The following PCDHGB2 variants were observed in gnomAD, a reference collection of about 807,000 sequenced individuals.
The protein encoded by PCDHGB2 is protocadherin gamma subfamily B, 2.
PCDHGB2 carries 55 observed loss-of-function variants against 59.3 expected under a neutral mutation model. The ratio of observed to expected loss-of-function variants is 0.93; its 90% CI spans 0.75 to 1.16. The LOEUF (loss-of-function observed/expected upper bound fraction) is 1.16. Ranked by LOEUF, PCDHGB2 falls within the 50% of genes most tolerant of loss-of-function variation. The pLI is 0.00. For synonymous variants in PCDHGB2, 516 were observed against 512.0 expected (o/e 1.01, Z -0.11); for missense variants, 1,228 against 1,198.5 (o/e 1.02, Z -0.36).
intron 1 of PCDHGB2, chr5:141,427,973 C>G (rs754410723): frequency 3.1e-6 from 5 of 1,593,936 alleles, no homozygotes; most frequent in Non-Finnish European, 3.4e-6. Flanking sequence ...TGCTGTACCC[C>G]GCGCTGGGGC....
At chr5:141,418,310 G>A in intron 1 of PCDHGB2, 1 of 1,613,990 alleles carries the variant, frequency 6.2e-7, no homozygotes, top group Non-Finnish European at 8.5e-7. Context: ...CCTGGGGATG[G>A]GAACAATTCT....
Position 141,394,457 on chromosome 5 carries a change from G to A in PCDHGB2, c.2421+31901G>A, listed in dbSNP as rs375756271. 4 of 1,614,096 alleles carry A rather than the reference G, an allele frequency of 2.5e-6. No homozygotes were observed. The African/African-American group carries it at 4.0e-5, about 16-fold the overall frequency. On this transcript the variant is annotated intron_variant, in intron 1 of 3. Transcript: ENST00000522605. Reference sequence around the variant, plus strand: ...CGCCCCTCAGCAGCAACATGTCACTGAGCCTGTTCGTGCTGGACCAGAATG... The same window carrying A: ...CGCCCCTCAGCAGCAACATGTCACTAAGCCTGTTCGTGCTGGACCAGAATG...
Position 141,486,682 on chromosome 5 carries a change from A to C in PCDHGB2, c.2422-8125A>C, listed in dbSNP as rs781547951. 1.4e-5 allele frequency: 22 copies of C among 1,614,064 alleles called. No individual in the cohort carries two copies. The African/African-American group carries it at 2.3e-4, about 17-fold the overall frequency. ...TGGAGCCCAGGAATCGAGATGTATC[A>C]GCTTCCTCTTTCATCTCTCTGAACC... On this transcript the variant is annotated intron_variant, in intron 1 of 3. Coordinates refer to ENST00000522605, the MANE Select transcript of PCDHGB2 (RefSeq NM_018923.3). The surrounding 1 kb of genome is among the most constrained non-coding windows in gnomAD (Gnocchi z 5.0).
At chr5:141,364,587 C>T in intron 1 of PCDHGB2, 3 of 1,614,204 alleles carry the variant, frequency 1.9e-6, no homozygotes, top group Non-Finnish European at 2.5e-6. Flanking sequence ...AGCTTGGTCA[C>T]CGCGGGCAGG....
intron 1 of PCDHGB2, chr5:141,388,986 A>G (rs756279125): frequency 2.5e-6 from 4 of 1,613,952 alleles, no homozygotes; most frequent in Non-Finnish European, 3.4e-6. Flanking sequence ...TGCTTTGCTC[A>G]AAGTCCGTGA....
In PCDHGB2 at chr5:141,477,155, G is replaced by A. The variant is rs2099406190; in HGVS notation, c.2422-17652G>A. ...GTTGGTGGAGGTTGTGGATGTGAATGACAACGCCCCGGAGATCACAGTCAC... is the reference window on the plus strand; with the variant it reads ...GTTGGTGGAGGTTGTGGATGTGAATAACAACGCCCCGGAGATCACAGTCAC... On this transcript the variant is annotated intron_variant, in intron 1 of 3. Coordinates refer to ENST00000522605, the MANE Select transcript of PCDHGB2 (RefSeq NM_018923.3). The surrounding 1 kb of genome is among the most constrained non-coding windows in gnomAD (Gnocchi z 4.9). The A allele has an allele frequency of 6.2e-7, 1 of 1,614,190 alleles. No individual in the cohort carries two copies. The highest frequency in any genetic ancestry group is 8.5e-7 in the Non-Finnish European group (1 of 1,180,042).
chr5:141,384,060 A>T (rs1453253478), intron 1 of PCDHGB2: 1 of 1,609,266 alleles, frequency 6.2e-7, no homozygotes, highest in South Asian at 1.1e-5. Context: ...GCACCATTCC[A>T]GAAAACCTAC....
chr5:141,389,177 C>T, intron 1 of PCDHGB2: 1 of 1,614,052 alleles, frequency 6.2e-7, no homozygotes. Context: ...CTCCCCTCTC[C>T]TCCAGTTCCA....
chr5:141,467,993 C>A (rs984508296), intron 1 of PCDHGB2, among the ~76,000 whole-genome samples: 1 of 152,058 alleles, frequency 6.6e-6, no homozygotes, highest in Admixed American at 6.6e-5. Context: ...AACCACAATT[C>A]TTTCTTCCTC....
At chr5:141,419,152 G>A (rs2096335735) in intron 1 of PCDHGB2, 25 of 1,613,916 alleles carry the variant, frequency 1.5e-5, no homozygotes, top group East Asian at 4.5e-5. Context: ...GCAAGCCTCC[G>A]TTATCCTCCA....
At chr5:141,480,702 C>T (rs1455955207) in intron 1 of PCDHGB2, among the ~76,000 whole-genome samples, 1 of 152,170 alleles carries the variant, frequency 6.6e-6, no homozygotes, top group African/African-American at 2.4e-5. Context: ...AGGCCACACC[C>T]CGACAAATGA....
intron 1 of PCDHGB2, chr5:141,366,686 G>A (rs200958152): frequency 5.3e-5 from 86 of 1,614,138 alleles, no homozygotes; most frequent in Non-Finnish European, 6.8e-6. Flanking sequence ...AGAGAGCTGT[G>A]AGAAAAGCGA....
At chr5:141,423,150 G>T in intron 1 of PCDHGB2, 1 of 1,613,538 alleles carries the variant, frequency 6.2e-7, no homozygotes, top group Non-Finnish European at 8.5e-7. Flanking sequence ...CGCTCAAGCA[G>T]AGCCTCGTGG....
At position 141,437,741 on chromosome 5, in the gene PCDHGB2, C is replaced by CTT. The variant is rs35124340; in HGVS notation, c.2422-57052_2422-57051dup. 4.3e-3 allele frequency among the ~76,000 whole-genome samples: 606 copies of CTT among 141,726 alleles called. 5 individuals are homozygous for CTT. The highest frequency in any genetic ancestry group is 0.012 in the Admixed American group (164 of 14,230). 93.0% of individuals were successfully genotyped at this position (141,726 alleles called of 152,430 possible). A position where few individuals can be genotyped will look rare whatever the true frequency, so the allele number is the denominator to read the frequency against. On this transcript the variant is annotated intron_variant, in intron 1 of 3. Transcript: ENST00000522605. ...CTCTAATGTTACACTTTGAGTTCAC[C>CTT]TTTTTTTTTTTTTTTGAGACAGAGT...
intron 1 of PCDHGB2, chr5:141,423,505 C>G: frequency 6.2e-7 from 1 of 1,613,932 alleles, no homozygotes; most frequent in Non-Finnish European, 8.5e-7. Context: ...CGAGGTCTCT[C>G]TCATTGCGGA....
intron 1 of PCDHGB2, chr5:141,418,093 C>G: frequency 8.1e-6 from 13 of 1,614,032 alleles, no homozygotes; most frequent in Non-Finnish European, 1.1e-5. Flanking sequence ...TCAGCGTAGA[C>G]GCGCAGAGCG....
intron 3 of PCDHGB2, 90 bp from the exon 4 acceptor site, chr5:141,510,857 A>G (rs1184962556): frequency 6.2e-7 from 1 of 1,605,538 alleles, no homozygotes; most frequent in Non-Finnish European, 8.5e-7. Flanking sequence ...AGGGTGCTGT[A>G]TAGGCATTCA....
chr5:141,414,554 C>G (rs1184557964), intron 1 of PCDHGB2: 3 of 1,613,880 alleles, frequency 1.9e-6, no homozygotes, highest in East Asian at 2.2e-5. Context: ...TCTCAAGTCT[C>G]CTACTTTACC....
At chr5:141,388,348 G>A in intron 1 of PCDHGB2, 1 of 1,613,974 alleles carries the variant, frequency 6.2e-7, no homozygotes, top group South Asian at 1.1e-5. Flanking sequence ...TTTATATTAG[G>A]ATCTGCCCAT....
Sources: gnomAD v4.1 joint callset for allele counts (sites outside exome capture counted in the v4.1 genomes callset) on GRCh38, gnomAD v4.1.1 for gene constraint, Gnocchi (gnomAD v3.1) non-coding constraint, MANE v1.5 for transcripts, NCBI Gene and HGNC (gene_info 2026-07-23, HGNC 2026-07-21) for gene names.